ZNF280D: variants seen among roughly 807,000 people sequenced by gnomAD.
The protein encoded by ZNF280D is zinc finger protein 280D.
Under a neutral mutation model 94.7 loss-of-function variants are expected in ZNF280D, and 39 were observed. The ratio of observed to expected loss-of-function variants is 0.41; its 90% CI spans 0.32 to 0.54. The LOEUF is 0.54. ZNF280D is among the 20% of genes least tolerant of loss of function. The pLI is 0.22. For missense variants in ZNF280D, 1,090 were observed against 1,149.3 expected, an observed-to-expected ratio of 0.95 and a Z score of 0.75; for synonymous variants, 398 against 377.6, an observed-to-expected ratio of 1.05 and a Z score of -0.63.
chr15:56,716,037 A>G (rs1298008756), intron 1 of ZNF280D, among the ~76,000 whole-genome samples: 1 of 152,186 alleles, frequency 6.6e-6, no homozygotes, highest in Non-Finnish European at 1.5e-5. Context: ...GGTTATATCC[A>G]AGTACTACAC....
At chr15:56,727,113 A>G (rs1454784143) in intron 1 of ZNF280D, among the ~76,000 whole-genome samples, 2 of 152,246 alleles carry the variant, frequency 1.3e-5, no homozygotes, top group Non-Finnish European at 2.9e-5. Flanking sequence ...TTGTTTATAC[A>G]AACTCATCTC....
chr15:56,731,046 C>CA (rs2058856929), intron 1 of ZNF280D, among the ~76,000 whole-genome samples: 1 of 151,894 alleles, frequency 6.6e-6, no homozygotes, highest in African/African-American at 2.4e-5. Context: ...GTATTCCTGT[C>CA]AAAAAAATAT....
intron 9 of ZNF280D, among the ~76,000 whole-genome samples, chr15:56,684,110 G>A (rs1425497858): frequency 1.3e-5 from 2 of 152,164 alleles, no homozygotes; most frequent in African/African-American, 4.8e-5. Context: ...GAAAGGCGGT[G>A]CTACATAAAG....
At position 56,711,892 on chromosome 15, in the gene ZNF280D, G is replaced by GTA. The variant is rs564168313; in HGVS notation, c.-85-4588_-85-4587dup. Among the ~76,000 whole-genome samples the GTA allele has an allele frequency of 2.1e-3, 324 of 152,226 alleles. 1 individual carries two copies. The highest frequency in any genetic ancestry group is 7.6e-3 in the African/African-American group (316 of 41,510). Reference sequence around the variant, plus strand: ...GCCTACTACACATCCAAGCTATATGGTATAGCCTATTGCTCCTAGGCTATA... The same window carrying GTA: ...GCCTACTACACATCCAAGCTATATGGTATATAGCCTATTGCTCCTAGGCTATA... On this transcript the variant is annotated intron_variant, in intron 1 of 21. Coordinates refer to ENST00000267807, the MANE Select transcript of ZNF280D (RefSeq NM_017661.4).
At chr15:56,726,853 T>C (rs1172815577) in intron 1 of ZNF280D, among the ~76,000 whole-genome samples, 14 of 152,362 alleles carry the variant, frequency 9.2e-5, no homozygotes, top group African/African-American at 3.4e-4. Flanking sequence ...CAGTATCTCA[T>C]GGCCTGTGAA....
rs73423656 is a variant in ZNF280D, at chr15:56,661,343, G to A, written c.1995-2857C>T. 9.1e-3 allele frequency among the ~76,000 whole-genome samples: 1,389 copies of A among 152,176 alleles called. 21 individuals are homozygous for A. The highest frequency in any genetic ancestry group is 0.032 in the African/African-American group (1,334 of 41,514). On this transcript the variant is annotated intron_variant, in intron 16 of 21. Transcript: ENST00000267807. Reference sequence around the variant, plus strand: ...TCTGAAGTTCATTCTATCAATGTTAGGAAAGGATTTTAGGCCAAAGAATGA... The same window carrying A: ...TCTGAAGTTCATTCTATCAATGTTAAGAAAGGATTTTAGGCCAAAGAATGA...
chr15:56,691,703 C>G (rs2056431582), intron 7 of ZNF280D, among the ~76,000 whole-genome samples: 1 of 152,132 alleles, frequency 6.6e-6, no homozygotes, highest in African/African-American at 2.4e-5. Context: ...AATCATGTTA[C>G]TGAACATGTG....
intron 1 of ZNF280D, among the ~76,000 whole-genome samples, chr15:56,707,906 T>C (rs2057512349): frequency 6.6e-6 from 1 of 151,946 alleles, no homozygotes; most frequent in Admixed American, 6.6e-5. Flanking sequence ...AGTATGTCAA[T>C]AATTTATTTG....
intron 9 of ZNF280D, among the ~76,000 whole-genome samples, chr15:56,684,931 A>AAATTATC (rs1323503741): frequency 1.3e-5 from 2 of 152,180 alleles, no homozygotes; most frequent in East Asian, 3.8e-4. Flanking sequence ...TATCATTATA[A>AAATTATC]AATTATCAGT....
At chr15:56,635,675 T>C (rs1439402808) in intron 20 of ZNF280D, 1 of 152,320 alleles carries the variant, frequency 6.6e-6, no homozygotes, top group Non-Finnish European at 1.5e-5. Context: ...TTTCTGAATT[T>C]ATGATTTCAT....
chr15:56,716,224 G>A (rs2058036212), intron 1 of ZNF280D, among the ~76,000 whole-genome samples: 1 of 152,050 alleles, frequency 6.6e-6, no homozygotes, highest in Non-Finnish European at 1.5e-5. Flanking sequence ...GAAACTTGTG[G>A]TCTAGAGATA....
chr15:56,689,237 C>T, intron 8 of ZNF280D, 63 bp downstream of exon 8: 1 of 1,545,360 alleles, frequency 6.5e-7, no homozygotes, highest in Non-Finnish European at 8.7e-7. Context: ...AAATTTATAG[C>T]CACTTCAAAA....
intron 3 of ZNF280D, among the ~76,000 whole-genome samples, chr15:56,705,157 G>T (rs562149694): frequency 6.6e-6 from 1 of 152,000 alleles, no homozygotes; most frequent in Non-Finnish European, 1.5e-5. Flanking sequence ...CAAAAAAAAG[G>T]CCTTCCCATT....
At chr15:56,649,919 G>C (rs1206582659) in intron 19 of ZNF280D, among the ~76,000 whole-genome samples, 1 of 151,972 alleles carries the variant, frequency 6.6e-6, no homozygotes, top group Non-Finnish European at 1.5e-5. Flanking sequence ...ATGACTTACT[G>C]GTTTGAGAAT....
intron 19 of ZNF280D, chr15:56,653,597 C>A: frequency 6.8e-7 from 1 of 1,480,342 alleles, no homozygotes; most frequent in Non-Finnish European, 8.9e-7. Context: ...GCTGCTTCTG[C>A]ATCTGAAAAA....
At chr15:56,642,411 T>G (rs1419599807) in intron 20 of ZNF280D, among the ~76,000 whole-genome samples, 1 of 151,742 alleles carries the variant, frequency 6.6e-6, no homozygotes, top group African/African-American at 2.4e-5. Flanking sequence ...CAACATAAAT[T>G]GACATCAAGA....
Position 56,631,502 on chromosome 15 carries a change from CTTCT to C in ZNF280D, c.2932_2935del (p.Arg978ValfsTer23). ...TGAAACTTAAAATGACTAATTTCAA[CTTCT>C]TTCTTTTTCGTCTTCCAGGTCTACT... On this transcript the variant is annotated frameshift_variant, in exon 22 of 22. Transcript: ENST00000267807. LOFTEE classifies it high-confidence loss of function. 1.2e-6 allele frequency: 2 copies of C among 1,610,300 alleles called. No homozygotes were observed. Among genetic ancestry groups the C allele is most frequent in the Non-Finnish European group, 8.5e-7 (1 of 1,177,018 alleles).
chr15:56,702,293 G>T (rs554723232), intron 4 of ZNF280D, among the ~76,000 whole-genome samples: 14 of 152,252 alleles, frequency 9.2e-5, no homozygotes, highest in South Asian at 4.1e-4. Context: ...AGCTATTGCT[G>T]TAGTACTATT....
chr15:56,652,041 GA>G (rs1323273747), intron 19 of ZNF280D, among the ~76,000 whole-genome samples: 144 of 92,418 alleles, frequency 1.6e-3, no homozygotes, highest in African/African-American at 3.1e-3. Flanking sequence ...AGACAAATAA[GA>G]AAAAAAAAAA....
Sources: allele counts gnomAD v4.1 joint callset (sites outside exome capture counted in the v4.1 genomes callset), GRCh38; gene constraint gnomAD v4.1.1; transcripts MANE v1.5; gene names NCBI Gene and HGNC (gene_info 2026-07-23, HGNC 2026-07-21).